MINDY4: variants seen among roughly 807,000 people sequenced by gnomAD.
MINDY4 encodes MINDY lysine 48 deubiquitinase 4, also known as probable ubiquitin carboxyl-terminal hydrolase MINDY-4.
Under a neutral mutation model 87.0 loss-of-function variants are expected in MINDY4, and 68 were observed. That is an observed-to-expected ratio of 0.78 (90% confidence interval 0.64 to 0.96). The LOEUF (loss-of-function observed/expected upper bound fraction) is 0.96, where lower values mean the gene tolerates loss of function less well. Ranked by LOEUF, MINDY4 falls within the 40% of genes least tolerant of loss-of-function variation. MINDY4 has a pLI of 0.00. For missense variants in MINDY4, 919 were observed against 928.2 expected (o/e 0.99, Z 0.13); for synonymous variants, 379 against 363.2 (o/e 1.04, Z -0.50).
rs771498358 is a variant in MINDY4 at position 30,828,748 on chromosome 7, C to T, written c.1132+11C>T. ...GTGCCCTGCGGCTCGGTAGGTGCAGCGGGTGCCTCTGTGCTGTGCCCATCA... is the reference window on the plus strand; with the variant it reads ...GTGCCCTGCGGCTCGGTAGGTGCAGTGGGTGCCTCTGTGCTGTGCCCATCA... On this transcript the variant is annotated intron_variant, in intron 6 of 17. Coordinates refer to ENST00000265299, the MANE Select transcript of MINDY4 (RefSeq NM_032222.3). The T allele has an allele frequency of 1.2e-5, 19 of 1,611,250 alleles. No homozygotes were observed. Among genetic ancestry groups the T allele is most frequent in the South Asian group, 1.1e-4 (10 of 91,034 alleles).
chr7:30,840,997 A>C (rs1294711559), intron 9 of MINDY4, 149 bp downstream of exon 9: 3 of 704,032 alleles, frequency 4.3e-6, no homozygotes, highest in South Asian at 3.7e-5. Flanking sequence ...GCTAGCTGAC[A>C]AGGCCTGCGC....
intron 1 of MINDY4, among the ~76,000 whole-genome samples, chr7:30,774,360 G>C (rs751497332): frequency 2.0e-5 from 3 of 152,116 alleles, no homozygotes; most frequent in Non-Finnish European, 4.4e-5. Flanking sequence ...ACCCCTCCAT[G>C]TGTGCATGCC....
At chr7:30,798,504 C>CTT (rs1242382024) in intron 5 of MINDY4, among the ~76,000 whole-genome samples, 1 of 149,730 alleles carries the variant, frequency 6.7e-6, no homozygotes, top group Admixed American at 6.6e-5. Flanking sequence ...TTACTTTCTT[C>CTT]TTTTTTTTTT....
At chr7:30,863,582 A>G (rs1789834563) in intron 13 of MINDY4, among the ~76,000 whole-genome samples, 1 of 152,120 alleles carries the variant, frequency 6.6e-6, no homozygotes, top group East Asian at 1.9e-4. Context: ...TGGCCCTTGC[A>G]CCAAAGTCAG....
intron 5 of MINDY4, among the ~76,000 whole-genome samples, chr7:30,815,866 C>T (rs1788131827): frequency 6.6e-6 from 1 of 152,010 alleles, no homozygotes; most frequent in South Asian, 2.1e-4. Context: ...GTGTGTCTCC[C>T]CAAGGGAAGA....
intron 5 of MINDY4, among the ~76,000 whole-genome samples, chr7:30,822,756 C>G (rs1788380941): frequency 6.6e-6 from 1 of 151,964 alleles, no homozygotes; most frequent in Admixed American, 6.6e-5. Flanking sequence ...CACCTGAAGC[C>G]TCCCGAGCAG....
At chr7:30,870,866 G>A (rs1790081582) in intron 13 of MINDY4, among the ~76,000 whole-genome samples, 1 of 152,250 alleles carries the variant, frequency 6.6e-6, no homozygotes, top group African/African-American at 2.4e-5. Flanking sequence ...TGTGGTTGAA[G>A]GAAGGGGGCC....
intron 5 of MINDY4, among the ~76,000 whole-genome samples, chr7:30,807,966 G>C (rs1311611790): frequency 1.3e-5 from 2 of 152,190 alleles, no homozygotes; most frequent in African/African-American, 4.8e-5. Context: ...AGTGTCTGAG[G>C]GGTTTTGTCT....
At chr7:30,872,043 T>C (rs1790121167) in intron 13 of MINDY4, among the ~76,000 whole-genome samples, 200 bp from the exon 14 acceptor site, 1 of 151,742 alleles carries the variant, frequency 6.6e-6, no homozygotes, top group South Asian at 2.1e-4. Flanking sequence ...AGCTCTACTC[T>C]AGGAGGCCTG....
Position 30,836,739 on chromosome 7 carries a change from A to C in MINDY4, c.1214A>C (p.Lys405Thr). The change falls in exon 7 of 18, where the codon AAA becomes ACA. Residue 405 changes from lysine (K) to threonine (T), a missense_variant. Lys to Thr is a moderately conservative substitution (Grantham distance 78). Coordinates refer to ENST00000265299, the MANE Select transcript of MINDY4 (RefSeq NM_032222.3). ...GTGCTCAAGTTGCAGACAGCATCAAAACCAATTGACCTCTCAGTAGCAAAG... is the reference window on the plus strand; with the variant it reads ...GTGCTCAAGTTGCAGACAGCATCAACACCAATTGACCTCTCAGTAGCAAAG... Reference protein sequence around the residue: ...PSVLKLQTASKPIDLSVAKEI... With the variant: ...PSVLKLQTASTPIDLSVAKEI... 1 of 1,614,028 alleles carries C rather than the reference A, an allele frequency of 6.2e-7. No homozygotes were observed. The highest frequency in any genetic ancestry group is 2.2e-5 in the East Asian group (1 of 44,890).
At chr7:30,783,668 A>G (rs12666110) in intron 3 of MINDY4, among the ~76,000 whole-genome samples, 6,152 of 152,294 alleles carry the variant, frequency 0.04, 249 homozygotes, top group East Asian at 0.2. Context: ...TGTGTTTTCA[A>G]AATCTCTGCT....
rs191344969 is a variant in MINDY4 at position 30,850,321 on chromosome 7, A to T, written c.1446-133A>T. Reference sequence around the variant, plus strand: ...CTTTGCCTTGGGGCTCCTGGGCTGCAGGTGGCCCCTCTGCAGGCCAGAGAA... The same window carrying T: ...CTTTGCCTTGGGGCTCCTGGGCTGCTGGTGGCCCCTCTGCAGGCCAGAGAA... On this transcript the variant is annotated intron_variant, in intron 9 of 17. Coordinates refer to ENST00000265299, the MANE Select transcript of MINDY4 (RefSeq NM_032222.3). 2.6e-4 allele frequency: 199 copies of T among 772,418 alleles called. 2 individuals are homozygous for T. In the African/African-American group the frequency reaches 2.7e-3, roughly 11 times the overall value. The allele number at this position is 772,418 out of a possible 1,614,324, so 47.8% of individuals were successfully genotyped here.
rs1156580701 is a variant in MINDY4 at position 30,836,723 on chromosome 7, T to C, written c.1198T>C (p.Leu400=). ...GTCGCCAGTCCCATCAGTGCTCAAG[T>C]TGCAGACAGCATCAAAACCAATTGA... ...ILSPVPSVLK[L]QTASKPIDLS... The change falls in exon 7 of 18, where the codon TTG becomes CTG. Residue 400 remains leucine, a synonymous_variant. Transcript: ENST00000265299. 1.9e-6 allele frequency: 3 copies of C among 1,614,082 alleles called. No individual in the cohort carries two copies. Among genetic ancestry groups the C allele is most frequent in the African/African-American group, 2.7e-5 (2 of 74,942 alleles).
intron 11 of MINDY4, among the ~76,000 whole-genome samples, 187 bp from the exon 12 acceptor site, chr7:30,853,207 C>A (rs1322385730): frequency 6.6e-6 from 1 of 152,226 alleles, no homozygotes; most frequent in Non-Finnish European, 1.5e-5. Flanking sequence ...GCGGTACCGG[C>A]CAGCCTTTCA....
chr7:30,844,967 A>G (rs1030703206), intron 9 of MINDY4, among the ~76,000 whole-genome samples: 2 of 152,182 alleles, frequency 1.3e-5, no homozygotes, highest in African/African-American at 4.8e-5. Context: ...GCCATGGTAC[A>G]GATGGGGAAA....
At position 30,853,351 on chromosome 7, in the gene MINDY4, G is replaced by T. The variant is rs62449096; in HGVS notation, c.1612-43G>T. ...AAGCTAATTCAGGATGGGGCACTGC[G>T]TGGGGCTTGGGCCACTCATCCTGAG... On this transcript the variant is annotated intron_variant, in intron 11 of 17. Transcript: ENST00000265299. 2.6e-5 allele frequency: 40 copies of T among 1,556,292 alleles called. No homozygotes were observed. In the African/African-American group the frequency reaches 4.3e-4, roughly 17 times the overall value.
At chr7:30,847,061 C>A (rs146191444) in intron 9 of MINDY4, among the ~76,000 whole-genome samples, 83 of 152,224 alleles carry the variant, frequency 5.5e-4, no homozygotes, top group Non-Finnish European at 1.0e-3. Flanking sequence ...TGGAATGATG[C>A]TTTGGGGGCA....
At chr7:30,874,917 A>T (rs1179343550) in intron 14 of MINDY4, among the ~76,000 whole-genome samples, 1 of 152,242 alleles carries the variant, frequency 6.6e-6, no homozygotes, top group East Asian at 1.9e-4. Flanking sequence ...GGTACACAGG[A>T]ACTCTCTGTA....
intron 13 of MINDY4, among the ~76,000 whole-genome samples, chr7:30,863,090 G>C (rs1789817954): frequency 6.6e-6 from 1 of 152,084 alleles, no homozygotes; most frequent in Non-Finnish European, 1.5e-5. Flanking sequence ...TGCATACACA[G>C]CTTAAAAACC....
Sources: gnomAD v4.1 joint callset for allele counts (sites outside exome capture counted in the v4.1 genomes callset) on GRCh38, gnomAD v4.1.1 for gene constraint, MANE v1.5 for transcripts, NCBI Gene and HGNC (gene_info 2026-07-23, HGNC 2026-07-21) for gene names.